The following PCDH17 variants were observed in gnomAD, a reference collection of about 807,000 sequenced individuals.
PCDH17 encodes protocadherin-17.
PCDH17 carries 21 observed loss-of-function variants against 67.7 expected under a neutral mutation model. That is an observed-to-expected ratio of 0.31 (90% CI 0.22 to 0.45). The LOEUF is 0.45. Among genes scored for constraint, PCDH17 ranks in the 20% least tolerant of loss-of-function variants. The pLI, the probability that PCDH17 is intolerant of heterozygous loss-of-function variation, is 1.00. For missense variants in PCDH17, 1,471 were observed against 1,564.8 expected (o/e 0.94, Z 1.01); for synonymous variants, 701 against 656.7 (o/e 1.07, Z -1.03).
chr13:57,680,840 A>C (rs1955441596), intron 3 of PCDH17, among the ~76,000 whole-genome samples: 1 of 151,722 alleles, frequency 6.6e-6, no homozygotes, highest in Admixed American at 6.6e-5. Context: ...GATGATACCC[A>C]AAGTTGATTT....
At chr13:57,719,488 G>C (rs1266079321) in intron 3 of PCDH17, among the ~76,000 whole-genome samples, 1 of 151,974 alleles carries the variant, frequency 6.6e-6, no homozygotes, top group Admixed American at 6.6e-5. Context: ...GATGCAGATA[G>C]GAAACTCCTG....
Position 57,633,115 on chromosome 13 carries a change from C to G in PCDH17, c.569C>G (p.Thr190Ser). ...GLDVKSRGDG[T>S]KFPELVIQKA... ...GACGTTAAGTCCCGCGGCGACGGCA[C>G]CAAGTTCCCAGAACTGGTCATCCAG... The change falls in exon 1 of 4, where the codon ACC becomes AGC. Residue 190 changes from threonine (T) to serine (S), a missense_variant. Transcript: ENST00000377918. The surrounding 1 kb of genome is among the most constrained non-coding windows in gnomAD (Gnocchi z 6.2). 2 of 1,613,464 alleles carry G rather than the reference C, an allele frequency of 1.2e-6. No homozygotes were observed. Among genetic ancestry groups the G allele is most frequent in the Non-Finnish European group, 1.7e-6 (2 of 1,179,966 alleles).
intron 1 of PCDH17, among the ~76,000 whole-genome samples, chr13:57,638,982 T>C (rs1279429832): frequency 6.6e-6 from 1 of 152,004 alleles, no homozygotes; most frequent in African/African-American, 2.4e-5. Flanking sequence ...GCGTGAACAA[T>C]TTATTTTGGT....
At chr13:57,645,092 T>C (rs907842145) in intron 1 of PCDH17, among the ~76,000 whole-genome samples, 2 of 151,728 alleles carry the variant, frequency 1.3e-5, no homozygotes, top group African/African-American at 4.8e-5. Context: ...TTTCTTTTTG[T>C]AGTTGTTGTG....
At chr13:57,678,260 T>C (rs1955414099) in intron 3 of PCDH17, among the ~76,000 whole-genome samples, 1 of 151,606 alleles carries the variant, frequency 6.6e-6, no homozygotes, top group South Asian at 2.1e-4. Flanking sequence ...TTTCCTCCTG[T>C]TTCAAGAAAA....
In PCDH17 at chr13:57,693,315, CATATATATATATAT is replaced by C. The variant is rs59643529; in HGVS notation, c.2797+26499_2797+26512del. Among the ~76,000 whole-genome samples, 10 of 89,360 alleles carry C rather than the reference CATATATATATATAT, an allele frequency of 1.1e-4. No homozygotes were observed. The South Asian group carries it at 1.4e-3, about 12-fold the overall frequency. 58.6% of individuals were successfully genotyped at this position (89,360 alleles called of 152,430 possible). ...CTTGGTATATTTGTTCACTTACATT[CATATATATATATAT>C]ATATATATATATATATCAAGGAGTT... is the stretch of plus-strand genomic sequence containing the variant. On this transcript the variant is annotated intron_variant, in intron 3 of 3. Transcript: ENST00000377918.
At chr13:57,711,671 A>G (rs1006497610) in intron 3 of PCDH17, among the ~76,000 whole-genome samples, 28 of 151,722 alleles carry the variant, frequency 1.8e-4, no homozygotes, top group Non-Finnish European at 4.0e-4. Context: ...TCAATTTAGA[A>G]TACAATTGTT....
At chr13:57,652,659 TGC>T (rs1411955708) in intron 1 of PCDH17, among the ~76,000 whole-genome samples, 1 of 152,178 alleles carries the variant, frequency 6.6e-6, no homozygotes, top group Non-Finnish European at 1.5e-5. Context: ...GAAATTTGGA[TGC>T]GTACAATTGC....
intron 3 of PCDH17, among the ~76,000 whole-genome samples, chr13:57,713,534 G>A (rs1001689546): frequency 2.0e-5 from 3 of 151,494 alleles, no homozygotes; most frequent in African/African-American, 7.3e-5. Flanking sequence ...CACAGTTTCA[G>A]CAGCTTAGTG....
chr13:57,714,184 T>C (rs1337367188), intron 3 of PCDH17, among the ~76,000 whole-genome samples: 1 of 151,730 alleles, frequency 6.6e-6, no homozygotes, highest in African/African-American at 2.4e-5. Context: ...AATTAACTGT[T>C]TTCTGAGAGT....
rs1475592319 is a variant in PCDH17 at position 57,634,508 on chromosome 13, C to G, written c.1962C>G (p.Asp654Glu). 5 of 1,612,794 alleles carry G rather than the reference C, an allele frequency of 3.1e-6. No homozygotes were observed. Among genetic ancestry groups the G allele is most frequent in the Non-Finnish European group, 3.4e-6 (4 of 1,179,982 alleles). Reference protein sequence around the residue: ...EIRTLHPFWEDVTPVVELVVK... With the variant: ...EIRTLHPFWEEVTPVVELVVK... Reference sequence around the variant, plus strand: ...GCACGCTGCACCCTTTCTGGGAGGACGTGACGCCCGTGGTGGAGCTGGTGG... The same window carrying G: ...GCACGCTGCACCCTTTCTGGGAGGAGGTGACGCCCGTGGTGGAGCTGGTGG... Residue 654 changes from aspartate (D) to glutamate (E), a missense_variant, in exon 1 of 4, where the codon GAC (aspartate) becomes GAG (glutamate). Asp to Glu is a conservative substitution (Grantham distance 45, BLOSUM62 2). Around this residue, in one of 3 missense-constraint regions of PCDH17, gnomAD observed 1,163 missense variants for 1,230.0 expected, o/e 0.95. Coordinates refer to ENST00000377918, the MANE Select transcript of PCDH17 (RefSeq NM_001040429.3). This position sits in a 1 kb window ranked among gnomAD's most constrained non-coding sequence, Gnocchi z 7.8.
chr13:57,659,127 G>GTA (rs1955150412), intron 1 of PCDH17, among the ~76,000 whole-genome samples: 1 of 144,714 alleles, frequency 6.9e-6, no homozygotes, highest in South Asian at 2.1e-4. Context: ...GTGTGTGTGT[G>GTA]TGTGTATACA....
At chr13:57,656,337 A>G (rs1029806516) in intron 1 of PCDH17, among the ~76,000 whole-genome samples, 2 of 152,146 alleles carry the variant, frequency 1.3e-5, no homozygotes, top group African/African-American at 2.4e-5. Context: ...ATTTGTAAAA[A>G]TGTATTTTCG....
At chr13:57,713,868 C>A (rs190076127) in intron 3 of PCDH17, among the ~76,000 whole-genome samples, 91 of 151,502 alleles carry the variant, frequency 6.0e-4, no homozygotes, top group Non-Finnish European at 1.1e-3. Flanking sequence ...TCATTTGAAT[C>A]TTTAAAAAAA....
intron 3 of PCDH17, among the ~76,000 whole-genome samples, chr13:57,676,655 G>A (rs1319570231): frequency 6.6e-6 from 1 of 151,824 alleles, no homozygotes; most frequent in Non-Finnish European, 1.5e-5. Context: ...GCTAGGAAGA[G>A]GAAGAGGTCA....
chr13:57,699,844 GA>G (rs938565169), intron 3 of PCDH17, among the ~76,000 whole-genome samples: 3 of 151,438 alleles, frequency 2.0e-5, no homozygotes, highest in African/African-American at 4.8e-5. Context: ...TCTTTTCCAG[GA>G]AAAAAATGTT....
At chr13:57,671,798 G>C (rs1211114204) in intron 3 of PCDH17, among the ~76,000 whole-genome samples, 1 of 151,958 alleles carries the variant, frequency 6.6e-6, no homozygotes, top group African/African-American at 2.4e-5. Flanking sequence ...GAATTGTACA[G>C]GAGAATTCTG....
intron 3 of PCDH17, among the ~76,000 whole-genome samples, chr13:57,691,112 T>G (rs1426645095): frequency 6.6e-6 from 1 of 151,448 alleles, no homozygotes; most frequent in South Asian, 2.1e-4. Flanking sequence ...TACCAATTCA[T>G]TAGTCAAAAG....
Position 57,725,341 on chromosome 13 carries a change from G to C in PCDH17, c.*47G>C, listed in dbSNP as rs755223107. 1 of 1,517,442 alleles carries C rather than the reference G, an allele frequency of 6.6e-7. No individual in the cohort carries two copies. The allele number at this position is 1,517,442 out of a possible 1,614,324, so 94.0% of individuals were successfully genotyped here. On this transcript the variant is annotated 3_prime_UTR_variant, in exon 4 of 4. Coordinates refer to ENST00000377918, the MANE Select transcript of PCDH17 (RefSeq NM_001040429.3). ...TTGGCATTTTCTTGTCTCTTCTGTTGATTTAAAAATGATCCCTCCTGGTGA... is the reference window on the plus strand; with the variant it reads ...TTGGCATTTTCTTGTCTCTTCTGTTCATTTAAAAATGATCCCTCCTGGTGA...
Sources: gnomAD v4.1 joint callset for allele counts (sites outside exome capture counted in the v4.1 genomes callset) on GRCh38, gnomAD v4.1.1 for gene constraint, gnomAD v4.1.1 regional missense constraint, Gnocchi (gnomAD v3.1) non-coding constraint, MANE v1.5 for transcripts, NCBI Gene and HGNC (gene_info 2026-07-23, HGNC 2026-07-21) for gene names.